SEMA3C: variants seen among roughly 807,000 people sequenced by gnomAD.
SEMA3C encodes the protein semaphorin 3C.
Under a neutral mutation model 89.4 loss-of-function variants are expected in SEMA3C, and 47 were observed. The ratio of observed to expected loss-of-function variants is 0.53; its 90% CI spans 0.42 to 0.67. SEMA3C has a LOEUF of 0.67. SEMA3C is among the 30% of genes least tolerant of loss of function. The probability of loss-of-function intolerance (pLI) is 0.00; values close to 1 mark genes in which losing one functional copy is unlikely to be tolerated. For synonymous variants in SEMA3C, 310 were observed against 320.2 expected (o/e 0.97, Z 0.34); for missense variants, 839 against 929.1 (o/e 0.90, Z 1.26).
At chr7:80,912,616 CAT>C (rs1429284254) in intron 2 of SEMA3C, among the ~76,000 whole-genome samples, 9 of 152,124 alleles carry the variant, frequency 5.9e-5, no homozygotes, top group Non-Finnish European at 8.8e-5. Flanking sequence ...CTAAAACACT[CAT>C]GTGTGCTTCA....
At chr7:80,776,522 G>T (rs932949966) in intron 12 of SEMA3C, among the ~76,000 whole-genome samples, 1 of 152,110 alleles carries the variant, frequency 6.6e-6, no homozygotes, top group African/African-American at 2.4e-5. Context: ...AAATTCTACA[G>T]ATTATAACTA....
intron 2 of SEMA3C, among the ~76,000 whole-genome samples, chr7:80,871,978 C>A (rs1426600654): frequency 6.6e-6 from 1 of 151,740 alleles, no homozygotes; most frequent in Non-Finnish European, 1.5e-5. Flanking sequence ...CCTAATACAC[C>A]ATTTTAATCC....
chr7:80,863,980 A>C lies in SEMA3C; in HGVS notation c.104-35235T>G, dbSNP rs921110155. Among the ~76,000 whole-genome samples the C allele has an allele frequency of 2.0e-4, 29 of 144,322 alleles. 1 individual carries two copies. The highest frequency in any genetic ancestry group is 7.1e-4 in the African/African-American group (27 of 37,946). The allele number at this position is 144,322 out of a possible 152,430, so 94.7% of individuals were successfully genotyped here. A position where few individuals can be genotyped will look rare whatever the true frequency, so the allele number is the denominator to read the frequency against. On this transcript the variant is annotated intron_variant, in intron 2 of 17. Coordinates refer to ENST00000265361, the MANE Select transcript of SEMA3C (RefSeq NM_006379.5). Reference sequence around the variant, plus strand: ...CATGTATATCACATATATATCACATATATCACATGTATATCACATATATAT... The same window carrying C: ...CATGTATATCACATATATATCACATCTATCACATGTATATCACATATATAT...
intron 16 of SEMA3C, among the ~76,000 whole-genome samples, chr7:80,749,839 C>CTAAA (rs1787885250): frequency 6.6e-6 from 1 of 152,014 alleles, no homozygotes. Context: ...CATAAAAAAG[C>CTAAA]ACTTAGCTCA....
intron 2 of SEMA3C, among the ~76,000 whole-genome samples, chr7:80,877,441 G>A (rs1791226837): frequency 1.3e-5 from 2 of 151,856 alleles, no homozygotes; most frequent in African/African-American, 4.8e-5. Context: ...TCTAACTTCA[G>A]CAGAAACACT....
Position 80,918,853 on chromosome 7 carries a change from A to G in SEMA3C, c.-64T>C. 1 of 985,490 alleles carries G rather than the reference A, an allele frequency of 1.0e-6. No individual in the cohort carries two copies. The highest frequency in any genetic ancestry group is 1.2e-6 in the Non-Finnish European group (1 of 829,956). 61.0% of individuals were successfully genotyped at this position (985,490 alleles called of 1,614,324 possible). A position where few individuals can be genotyped will look rare whatever the true frequency, so the allele number is the denominator to read the frequency against. ...CGAGGTTGAAAGAAATCAGCACGGA[A>G]AAGTCATCAGTTTGCTACCGGGGTT... On this transcript the variant is annotated 5_prime_UTR_variant, in exon 1 of 18. Coordinates refer to ENST00000265361, the MANE Select transcript of SEMA3C (RefSeq NM_006379.5).
chr7:80,894,905 C>A (rs1791696956), intron 2 of SEMA3C, among the ~76,000 whole-genome samples: 1 of 152,100 alleles, frequency 6.6e-6, no homozygotes, highest in Admixed American at 6.5e-5. Context: ...AGTTACGCTG[C>A]CTAGTAGCCA....
chr7:80,852,192 A>G lies in SEMA3C; in HGVS notation c.104-23447T>C, dbSNP rs144783553. 3.6e-3 allele frequency among the ~76,000 whole-genome samples: 555 copies of G among 152,306 alleles called. 2 individuals are homozygous for G. In the Middle Eastern group the frequency reaches 0.048, roughly 13 times the overall value. The stretch of plus-strand genomic sequence containing the variant: ...CCTTTATTATATCCCCTCAGTAGGT[A>G]TCTGACAGAAATCCCTATGGAGAGT... On this transcript the variant is annotated intron_variant, in intron 2 of 17. Coordinates refer to ENST00000265361, the MANE Select transcript of SEMA3C (RefSeq NM_006379.5).
At chr7:80,880,321 G>T (rs1322395612) in intron 2 of SEMA3C, among the ~76,000 whole-genome samples, 1 of 152,090 alleles carries the variant, frequency 6.6e-6, no homozygotes, top group African/African-American at 2.4e-5. Flanking sequence ...CATGTTTAGT[G>T]TTTTTTATCT....
At position 80,751,320 on chromosome 7, in the gene SEMA3C, C is replaced by A; in HGVS notation, c.1660G>T (p.Asp554Tyr). The change falls in exon 16 of 18, where the codon GAT (aspartate) becomes TAT (tyrosine). Residue 554 changes from aspartate to tyrosine, a missense_variant. By Grantham distance (160) the Asp-to-Tyr change is radical. Transcript: ENST00000265361. ...PTGKRRSRRQ[D>Y]VRHGNPLTQC... ...GTCAGTGGGTTTCCATGTCTCACAT[C>A]TTGTCTTCGGCTCCTCCTGCAAGTG... 1 of 1,613,996 alleles carries A rather than the reference C, an allele frequency of 6.2e-7. No homozygotes were observed. The highest frequency in any genetic ancestry group is 8.5e-7 in the Non-Finnish European group (1 of 1,179,912).
chr7:80,810,418 C>A (rs1169308289), intron 6 of SEMA3C, among the ~76,000 whole-genome samples, 193 bp downstream of exon 6: 1 of 152,094 alleles, frequency 6.6e-6, no homozygotes, highest in Admixed American at 6.5e-5. Flanking sequence ...TCATAAGTTA[C>A]ATGCTTATTA....
In SEMA3C at chr7:80,748,945, C is replaced by G. The variant is rs773373441; in HGVS notation, c.1795G>C (p.Ala599Pro). The G allele has an allele frequency of 6.2e-7, 1 of 1,613,302 alleles. No individual in the cohort carries two copies. The highest frequency in any genetic ancestry group is 8.5e-7 in the Non-Finnish European group (1 of 1,179,616). ...FLECAPKSPQ[A>P]SIKWLLQKDK... ...TTCTGTAACAGCCACTTGATAGATGCCTGCGGAGACTTGGGGGCACACTCC... is the reference window on the plus strand; with the variant it reads ...TTCTGTAACAGCCACTTGATAGATGGCTGCGGAGACTTGGGGGCACACTCC... The change falls in exon 17 of 18, where the codon GCA (alanine) becomes CCA (proline). Residue 599 changes from alanine (A) to proline (P), a missense_variant. Transcript: ENST00000265361.
At chr7:80,873,027 A>G (rs566122299) in intron 2 of SEMA3C, among the ~76,000 whole-genome samples, 5 of 151,902 alleles carry the variant, frequency 3.3e-5, no homozygotes, top group African/African-American at 1.2e-4. Context: ...AGGGATCCCC[A>G]GACCACGCTT....
intron 2 of SEMA3C, among the ~76,000 whole-genome samples, chr7:80,883,170 T>A (rs966000321): frequency 2.0e-5 from 3 of 152,226 alleles, no homozygotes; most frequent in South Asian, 2.1e-4. Flanking sequence ...GTGCTTTTTT[T>A]ATACTTAGCA....
At chr7:80,815,612 GTGA>G (rs1213839153) in intron 5 of SEMA3C, among the ~76,000 whole-genome samples, 4 of 133,728 alleles carry the variant, frequency 3.0e-5, no homozygotes, top group Non-Finnish European at 4.8e-5. Context: ...ATAAAACAGA[GTGA>G]TGAAGGTTAT....
intron 2 of SEMA3C, among the ~76,000 whole-genome samples, chr7:80,861,655 T>A (rs1245322318): frequency 6.6e-6 from 1 of 152,204 alleles, no homozygotes; most frequent in Admixed American, 6.6e-5. Flanking sequence ...TGATTTAAAT[T>A]GCAACATTTG....
intron 15 of SEMA3C, among the ~76,000 whole-genome samples, chr7:80,755,481 A>C (rs74579366): frequency 0.14 from 20,725 of 150,864 alleles, 1,442 homozygotes; most frequent in Admixed American, 0.17. Flanking sequence ...TTTGCTGAGA[A>C]GGAGTACTGA....
chr7:80,805,819 G>A (rs1218378750), intron 6 of SEMA3C, 61 bp from the exon 7 acceptor site: 28 of 1,277,572 alleles, frequency 2.2e-5, no homozygotes, highest in Non-Finnish European at 2.8e-5. Context: ...AATTCTAGGT[G>A]AGTTTATTTA....
intron 4 of SEMA3C, among the ~76,000 whole-genome samples, chr7:80,821,667 A>G (rs905363594): frequency 1.4e-4 from 22 of 151,980 alleles, no homozygotes; most frequent in Non-Finnish European, 3.2e-4. Flanking sequence ...ATACTGATAT[A>G]ACTTTTTAGT....
Sources: allele counts gnomAD v4.1 joint callset (sites outside exome capture counted in the v4.1 genomes callset), GRCh38; gene constraint gnomAD v4.1.1; transcripts MANE v1.5; gene names NCBI Gene and HGNC (gene_info 2026-07-23, HGNC 2026-07-21).